Variants in TBC1D21 observed in about 807,000 individuals in gnomAD.
TBC1D21 encodes the protein male germ cell Rab GTPase-activating protein.
TBC1D21 carries 38 observed loss-of-function variants against 46.0 expected under a neutral mutation model. That is an observed-to-expected ratio of 0.83 (90% CI 0.64 to 1.08). The LOEUF (loss-of-function observed/expected upper bound fraction) is 1.08. Among genes scored for constraint, TBC1D21 ranks in the 50% least tolerant of loss-of-function variants. TBC1D21 has a pLI of 0.00. For synonymous variants in TBC1D21, 151 were observed against 157.2 expected, an observed-to-expected ratio of 0.96 and a Z score of 0.29; for missense variants, 415 against 417.9, an observed-to-expected ratio of 0.99 and a Z score of 0.06.
intron 1 of TBC1D21, among the ~76,000 whole-genome samples, chr15:73,876,122 T>A (rs548682543): frequency 6.6e-6 from 1 of 151,286 alleles, no homozygotes; most frequent in African/African-American, 2.4e-5. Flanking sequence ...TTGCTGAAGT[T>A]TGGAGAGATA....
intron 1 of TBC1D21, among the ~76,000 whole-genome samples, chr15:73,876,926 C>G (rs759494282): frequency 5.3e-5 from 8 of 152,170 alleles, no homozygotes; most frequent in Non-Finnish European, 8.8e-5. Flanking sequence ...CCACCCCCAG[C>G]ATGGCATTAG....
chr15:73,892,189 G>T (rs1175562889), downstream of TBC1D21, among the ~76,000 whole-genome samples: 1 of 152,212 alleles, frequency 6.6e-6, no homozygotes, highest in Non-Finnish European at 1.5e-5. Flanking sequence ...TACTCAGGGC[G>T]GGTCTCCTCC....
chr15:73,886,271 G>C (rs1345069823), intron 7 of TBC1D21, 97 bp downstream of exon 7: 1 of 1,110,164 alleles, frequency 9.0e-7, no homozygotes, highest in African/African-American at 1.5e-5. Context: ...GGGGGCTGGA[G>C]AGCAGCAGAA....
downstream of TBC1D21, among the ~76,000 whole-genome samples, chr15:73,890,752 A>G (rs925456876): frequency 6.6e-6 from 1 of 152,180 alleles, no homozygotes. Context: ...CATCTTCTAG[A>G]CCACTTGCTG....
In TBC1D21 at chr15:73,886,169, A is replaced by C; in HGVS notation, c.671A>C (p.His224Pro). ...TTCCTGGACCCCGTGTTTGCTGAGC[A>C]CCTAAGTGAGTGGTTCCCACCTCCT... is the stretch of plus-strand genomic sequence containing the variant. Reference protein sequence around the residue: ...ITFLDPVFAEHLKGKGAGAVQ... With the variant: ...ITFLDPVFAEPLKGKGAGAVQ... The change falls in exon 7 of 11, where the codon CAC becomes CCC. Residue 224 changes from histidine (H) to proline (P), a missense_variant. By Grantham distance (77) the His-to-Pro change is moderately conservative. Transcript: ENST00000300504. 1 of 1,614,126 alleles carries C rather than the reference A, an allele frequency of 6.2e-7. No homozygotes were observed. The highest frequency in any genetic ancestry group is 8.5e-7 in the Non-Finnish European group (1 of 1,179,986).
chr15:73,901,241 A>C, the TBC1D21 span, among the ~76,000 whole-genome samples: 2 of 152,192 alleles, frequency 1.3e-5, no homozygotes, highest in Non-Finnish European at 2.9e-5. Flanking sequence ...TGCCCCATTT[A>C]AAGCCACATC....
the TBC1D21 span, among the ~76,000 whole-genome samples, chr15:73,898,035 G>A: frequency 7.9e-5 from 12 of 152,328 alleles, no homozygotes; most frequent in South Asian, 4.1e-4. Context: ...ATCATGGCCC[G>A]CATCATGGCC....
At chr15:73,905,144 C>A in the TBC1D21 span, among the ~76,000 whole-genome samples, 2 of 152,204 alleles carry the variant, frequency 1.3e-5, no homozygotes, top group South Asian at 4.1e-4. Context: ...GCCTCCCACG[C>A]CCTCTAGCCC....
At chr15:73,898,226 G>A in the TBC1D21 span, among the ~76,000 whole-genome samples, 2 of 152,222 alleles carry the variant, frequency 1.3e-5, no homozygotes, top group African/African-American at 4.8e-5. Flanking sequence ...CCAGGCCCGT[G>A]TGGCACAGGG....
chr15:73,886,571 C>A lies in TBC1D21; in HGVS notation c.736C>A (p.Arg246Ser), dbSNP rs763203157. 6.2e-6 allele frequency: 10 copies of A among 1,613,734 alleles called. No individual in the cohort carries two copies. Among genetic ancestry groups the A allele is most frequent in the Non-Finnish European group, 7.6e-6 (9 of 1,180,026 alleles). The change falls in exon 8 of 11, where the codon CGT (arginine) becomes AGT (serine). Residue 246 changes from arginine (R) to serine (S), a missense_variant. Transcript: ENST00000300504. ...LFPWFCFCFQRAFKSFDDVWR... is the reference protein window; with the variant it reads ...LFPWFCFCFQSAFKSFDDVWR... ...CCCCTGGTTCTGCTTCTGCTTCCAG[C>A]GTGCCTTCAAGTCCTTCGATGATGT... is the stretch of plus-strand genomic sequence containing the variant.
chr15:73,903,595 C>CTGTTTAG, the TBC1D21 span, among the ~76,000 whole-genome samples: 3 of 152,186 alleles, frequency 2.0e-5, no homozygotes, highest in Non-Finnish European at 4.4e-5. Flanking sequence ...GTCAGAAGGC[C>CTGTTTAG]TGTTTAGTGG....
chr15:73,888,368 C>A, intron 9 of TBC1D21, 62 bp from the exon 10 acceptor site: 1 of 1,437,934 alleles, frequency 7.0e-7, no homozygotes, highest in Non-Finnish European at 9.7e-7. Context: ...TGCATGTGCC[C>A]AAGAGTGCTG....
chr15:73,902,117 G>T, the TBC1D21 span, among the ~76,000 whole-genome samples: 2 of 152,214 alleles, frequency 1.3e-5, no homozygotes, highest in Non-Finnish European at 2.9e-5. Context: ...GCCTGGCCAA[G>T]ATCCCTAACT....
the TBC1D21 span, among the ~76,000 whole-genome samples, chr15:73,907,088 T>TTCC: frequency 5.3e-5 from 8 of 151,820 alleles, no homozygotes; most frequent in Non-Finnish European, 5.9e-5. Flanking sequence ...TCTCTCTCAT[T>TTCC]TCCTCCTCCT....
At chr15:73,890,545 C>T (rs1432138903), downstream of TBC1D21, among the ~76,000 whole-genome samples, 2 of 152,152 alleles carry the variant, frequency 1.3e-5, no homozygotes, top group African/African-American at 2.4e-5. Context: ...TTGCATTTTG[C>T]CAGAGAGGCA....
At chr15:73,898,880 A>AAATATATATATATATAT in the TBC1D21 span, among the ~76,000 whole-genome samples, 32 of 56,810 alleles carry the variant, frequency 5.6e-4, no homozygotes, top group Admixed American at 1.3e-3. Flanking sequence ...AAAAAAAAAA[A>AAATATATATATATATAT]ATATATATAT....
chr15:73,877,935 C>T (rs1265479593), intron 1 of TBC1D21, among the ~76,000 whole-genome samples: 1 of 152,222 alleles, frequency 6.6e-6, no homozygotes, highest in Non-Finnish European at 1.5e-5. Context: ...TAAAAGGCAT[C>T]TGTAGAAAGC....
At chr15:73,884,967 CCCAG>C in intron 5 of TBC1D21, 32 bp from the exon 6 acceptor site, 1 of 1,563,726 alleles carries the variant, frequency 6.4e-7, no homozygotes, top group Non-Finnish European at 8.8e-7. Context: ...GGCTCTCCCA[CCCAG>C]CCCCTCCTCC....
intron 9 of TBC1D21, among the ~76,000 whole-genome samples, chr15:73,887,968 A>T (rs745544771): frequency 3.9e-5 from 6 of 152,214 alleles, no homozygotes; most frequent in Admixed American, 6.5e-5. Context: ...AACCATCATC[A>T]TCACCCCTAG....
Sources: gnomAD v4.1 joint callset for allele counts (sites outside exome capture counted in the v4.1 genomes callset) on GRCh38, gnomAD v4.1.1 for gene constraint, MANE v1.5 for transcripts, NCBI Gene and HGNC (gene_info 2026-07-23, HGNC 2026-07-21) for gene names.